The following BICD1 variants were observed in gnomAD, a reference collection of about 807,000 sequenced individuals.
The protein encoded by BICD1 is protein bicaudal D homolog 1.
A neutral mutation model predicts 92.5 loss-of-function variants in BICD1; 35 were observed. The ratio of observed to expected loss-of-function variants is 0.38; its 90% CI spans 0.29 to 0.50. The LOEUF (loss-of-function observed/expected upper bound fraction) is 0.50. Ranked by LOEUF, BICD1 falls within the 20% of genes least tolerant of loss-of-function variation. The pLI, the probability that BICD1 is intolerant of heterozygous loss-of-function variation, is 0.93. For missense variants in BICD1, 950 were observed against 1,189.8 expected (o/e 0.80, Z 2.97); for synonymous variants, 429 against 465.1 (o/e 0.92, Z 1.00).
intron 1 of BICD1, among the ~76,000 whole-genome samples, chr12:32,129,618 C>T (rs1431591860): frequency 3.3e-5 from 5 of 152,006 alleles, no homozygotes; most frequent in Non-Finnish European, 5.9e-5. Flanking sequence ...GATCTTCCCA[C>T]CTCAGCCTCC....
intron 8 of BICD1, among the ~76,000 whole-genome samples, chr12:32,356,359 A>C (rs1939097620): frequency 6.6e-6 from 1 of 152,154 alleles, no homozygotes; most frequent in South Asian, 2.1e-4. Flanking sequence ...GAGAGAATAG[A>C]GAATAAAGAG....
At chr12:32,330,910 G>A (rs1937834957) in intron 5 of BICD1, among the ~76,000 whole-genome samples, 1 of 152,166 alleles carries the variant, frequency 6.6e-6, no homozygotes, top group Non-Finnish European at 1.5e-5. Context: ...CAAGGCCAGT[G>A]GATCACTTGA....
At chr12:32,206,949 T>G (rs261905) in intron 1 of BICD1, among the ~76,000 whole-genome samples, 23,249 of 152,216 alleles carry the variant, frequency 0.15, 1,994 homozygotes, top group East Asian at 0.22. Context: ...ATCATATGAA[T>G]TTTACAAACA....
chr12:32,192,337 G>T (rs1944595305), intron 1 of BICD1, among the ~76,000 whole-genome samples: 1 of 152,134 alleles, frequency 6.6e-6, no homozygotes, highest in Non-Finnish European at 1.5e-5. Context: ...GGGAGGCTGA[G>T]GTGGGAGAAT....
chr12:32,330,873 G>A (rs1937832753), intron 5 of BICD1, among the ~76,000 whole-genome samples: 3 of 152,152 alleles, frequency 2.0e-5, no homozygotes, highest in African/African-American at 7.2e-5. Context: ...AATGGCTCAC[G>A]CCTGTAATGC....
intron 1 of BICD1, among the ~76,000 whole-genome samples, chr12:32,170,825 G>A (rs620492): frequency 6.6e-6 from 1 of 152,138 alleles, no homozygotes; most frequent in Non-Finnish European, 1.5e-5. Flanking sequence ...CTGGCTTCTA[G>A]GGATGGAGGT....
At chr12:32,259,532 G>A (rs1324361603) in intron 2 of BICD1, among the ~76,000 whole-genome samples, 1 of 152,198 alleles carries the variant, frequency 6.6e-6, no homozygotes, top group South Asian at 2.1e-4. Flanking sequence ...CAGTCAGTGG[G>A]TCTGCTCCAC....
intron 1 of BICD1, among the ~76,000 whole-genome samples, chr12:32,153,705 A>G (rs1476795553): frequency 2.0e-5 from 3 of 151,978 alleles, no homozygotes; most frequent in Non-Finnish European, 2.9e-5. Flanking sequence ...GCAGTGAGCC[A>G]AGATTGTGCC....
chr12:32,240,324 G>C (rs1946201227), intron 2 of BICD1, among the ~76,000 whole-genome samples: 1 of 151,946 alleles, frequency 6.6e-6, no homozygotes, highest in Admixed American at 6.6e-5. Context: ...CAGTTCACTG[G>C]GGGTAATGTC....
chr12:32,169,644 C>T (rs746731194), intron 1 of BICD1, among the ~76,000 whole-genome samples: 31 of 152,128 alleles, frequency 2.0e-4, no homozygotes, highest in Non-Finnish European at 3.8e-4. Flanking sequence ...TCTCTGCTAA[C>T]CACACTTTGA....
intron 3 of BICD1, among the ~76,000 whole-genome samples, chr12:32,297,420 A>C (rs542057430): frequency 1.3e-5 from 2 of 152,210 alleles, no homozygotes; most frequent in South Asian, 4.1e-4. Context: ...TATGTTGCCC[A>C]GGCTGGACTC....
At chr12:32,335,580 CTTTT>C (rs11423390) in intron 6 of BICD1, among the ~76,000 whole-genome samples, 2 of 131,924 alleles carry the variant, frequency 1.5e-5, no homozygotes, top group African/African-American at 2.8e-5. Context: ...AAAAGACCTA[CTTTT>C]TTTTTTTTTT....
intron 8 of BICD1, among the ~76,000 whole-genome samples, chr12:32,345,698 A>G (rs11051948): frequency 0.032 from 4,890 of 152,270 alleles, 302 homozygotes; most frequent in East Asian, 0.3. Flanking sequence ...TCTTTAAGAA[A>G]GCTTGGAATG....
chr12:32,224,181 T>A (rs261887), intron 2 of BICD1, among the ~76,000 whole-genome samples: 91,621 of 152,074 alleles, frequency 0.6, 28,296 homozygotes, highest in East Asian at 0.89. Flanking sequence ...GCTTGGCTCT[T>A]GCTGGGAAGT....
Position 32,231,417 on chromosome 12 carries a change from C to T in BICD1, c.426+14958C>T, listed in dbSNP as rs548857017. Among the ~76,000 whole-genome samples the T allele has an allele frequency of 7.2e-5, 11 of 152,176 alleles. No individual in the cohort carries two copies. The East Asian group carries it at 2.1e-3, about 29-fold the overall frequency. ...AGTGAGCTGTGATCATACCACTGCA[C>T]TCCAGCCTGGGTGACAGAACAAGAC... On this transcript the variant is annotated intron_variant, in intron 2 of 9. Transcript: ENST00000652176.
chr12:32,374,568 CTT>C (rs146526015), intron 9 of BICD1, among the ~76,000 whole-genome samples: 11 of 124,880 alleles, frequency 8.8e-5, no homozygotes, highest in South Asian at 2.7e-4. Flanking sequence ...TTTCTTTCTT[CTT>C]TTTTTTTTTT....
At position 32,245,899 on chromosome 12, in the gene BICD1, G is replaced by A. The variant is rs867370738; in HGVS notation, c.426+29440G>A. On this transcript the variant is annotated intron_variant, in intron 2 of 9. Coordinates refer to ENST00000652176, the MANE Select transcript of BICD1 (RefSeq NM_001714.4). ...ACAAAAATTAGCCAGGTGTGGTGGC[G>A]CACACCTGTAGTCCCAGCTACTTGG... Among the ~76,000 whole-genome samples the A allele has an allele frequency of 1.4e-4, 21 of 151,372 alleles. 1 individual carries two copies. In the South Asian group the frequency reaches 2.3e-3, roughly 17 times the overall value.
intron 1 of BICD1, among the ~76,000 whole-genome samples, chr12:32,119,885 C>CAAAA (rs386376156): frequency 6.6e-6 from 1 of 151,812 alleles, no homozygotes; most frequent in Non-Finnish European, 1.5e-5. Flanking sequence ...CAAAACAAAA[C>CAAAA]AAAAAACTGG....
At chr12:32,296,218 T>C (rs1947863330) in intron 3 of BICD1, among the ~76,000 whole-genome samples, 1 of 151,508 alleles carries the variant, frequency 6.6e-6, no homozygotes, top group South Asian at 2.1e-4. Flanking sequence ...TAAAGATGCT[T>C]CTCGAATACT....
Sources: allele counts gnomAD v4.1 joint callset (sites outside exome capture counted in the v4.1 genomes callset), GRCh38; gene constraint gnomAD v4.1.1; transcripts MANE v1.5; gene names NCBI Gene and HGNC (gene_info 2026-07-23, HGNC 2026-07-21).